Variants in SDHAF4 observed in about 807,000 individuals in gnomAD.
SDHAF4 encodes the protein succinate dehydrogenase assembly factor 4, mitochondrial.
Under a neutral mutation model 14.3 loss-of-function variants are expected in SDHAF4, and 14 were observed. That is an observed-to-expected ratio of 0.98 (90% CI 0.65 to 1.53). The LOEUF (loss-of-function observed/expected upper bound fraction) is 1.53. Ranked by LOEUF, SDHAF4 falls within the 40% of genes most tolerant of loss-of-function variation. SDHAF4 has a pLI of 0.00. For synonymous variants in SDHAF4, 63 were observed against 47.3 expected, an observed-to-expected ratio of 1.33 and a Z score of -1.36; for missense variants, 141 against 129.3, an observed-to-expected ratio of 1.09 and a Z score of -0.44.
chr6:70,580,691 GA>G (rs963096190), intron 2 of SDHAF4, among the ~76,000 whole-genome samples: 1 of 152,154 alleles, frequency 6.6e-6, no homozygotes, highest in African/African-American at 2.4e-5. Flanking sequence ...GATGGACCTT[GA>G]AAACATTATG....
rs371972416 is a variant in SDHAF4, at chr6:70,566,972, G to A, written c.32G>A (p.Ser11Asn). The A allele has an allele frequency of 3.2e-5, 51 of 1,592,832 alleles. No homozygotes were observed. The East Asian group carries it at 3.4e-4, about 11-fold the overall frequency. MTPSRLPWLL[S>N]WVSATAWRAA... ...CCATCGAGGCTTCCCTGGTTGCTTA[G>A]CTGGGTCTCGGCCACGGCGTGGAGA... Residue 11 changes from serine (S) to asparagine (N), a missense_variant, in exon 1 of 3, where the codon AGC (serine) becomes AAC (asparagine). Transcript: ENST00000370474.
intron 2 of SDHAF4, among the ~76,000 whole-genome samples, chr6:70,581,337 C>T (rs1802319745): frequency 2.0e-5 from 3 of 151,962 alleles, no homozygotes; most frequent in Admixed American, 2.0e-4. Flanking sequence ...CAAAAACCTG[C>T]ACTTTTCAAA....
At chr6:70,570,013 A>G (rs1413446846) in intron 1 of SDHAF4, among the ~76,000 whole-genome samples, 1 of 152,094 alleles carries the variant, frequency 6.6e-6, no homozygotes, top group Non-Finnish European at 1.5e-5. Context: ...CCCTACTGAT[A>G]TAATGCGAGC....
chr6:70,594,843 C>T, the SDHAF4 span, among the ~76,000 whole-genome samples: 48 of 150,708 alleles, frequency 3.2e-4, no homozygotes, highest in African/African-American at 8.1e-4. Context: ...ACCCGGGAGG[C>T]GGAGGTTGCA....
intron 1 of SDHAF4, among the ~76,000 whole-genome samples, chr6:70,576,641 T>G (rs1485204085): frequency 6.6e-6 from 1 of 152,228 alleles, no homozygotes; most frequent in Non-Finnish European, 1.5e-5. Flanking sequence ...TAGTGATGAC[T>G]AGAATATGAG....
chr6:70,593,684 GTT>G (rs68046686), downstream of SDHAF4, among the ~76,000 whole-genome samples: 1 of 123,090 alleles, frequency 8.1e-6, no homozygotes, highest in African/African-American at 3.1e-5. Flanking sequence ...AGCTTCAAGG[GTT>G]TTTTTTTGTG....
At chr6:70,575,726 T>TGTGAGA (rs141835202) in intron 1 of SDHAF4, among the ~76,000 whole-genome samples, 23,507 of 150,922 alleles carry the variant, frequency 0.16, 1,915 homozygotes, top group Middle Eastern at 0.22. Flanking sequence ...TGTGTGTGTG[T>TGTGAGA]GAGAGAGAGA....
the SDHAF4 span, among the ~76,000 whole-genome samples, chr6:70,597,504 C>T: frequency 1.8e-3 from 269 of 152,028 alleles, 1 homozygote; most frequent in Non-Finnish European, 3.1e-3. Flanking sequence ...GCCATCTTAG[C>T]ATAAAGTCTG....
intron 1 of SDHAF4, among the ~76,000 whole-genome samples, chr6:70,572,750 GTC>G (rs993249001): frequency 6.6e-6 from 1 of 151,730 alleles, no homozygotes; most frequent in African/African-American, 2.4e-5. Context: ...CAGACTAATA[GTC>G]TCTTTACCCT....
At position 70,588,838 on chromosome 6, in the gene SDHAF4, T is replaced by C; in HGVS notation, c.*114T>C. The C allele has an allele frequency of 2.5e-6, 1 of 399,158 alleles. No individual in the cohort carries two copies. Among genetic ancestry groups the C allele is most frequent in the Non-Finnish European group, 4.5e-6 (1 of 219,960 alleles). The allele number at this position is 399,158 out of a possible 1,614,324, so 24.7% of individuals were successfully genotyped here. A position where few individuals can be genotyped will look rare whatever the true frequency, so the allele number is the denominator to read the frequency against. ...TATGTCGTGTAGTTTGTATAATGTG[T>C]TTAAATATATATATATATGATGGCT... On this transcript the variant is annotated 3_prime_UTR_variant, in exon 3 of 3. Coordinates refer to ENST00000370474, the MANE Select transcript of SDHAF4 (RefSeq NM_145267.3).
intron 1 of SDHAF4, among the ~76,000 whole-genome samples, chr6:70,575,713 G>A (rs989595202): frequency 2.2e-5 from 3 of 134,062 alleles, no homozygotes; most frequent in Non-Finnish European, 4.6e-5. Flanking sequence ...TTGTATATGT[G>A]TGTGTGTGTG....
At chr6:70,588,337 T>TG (rs1271257382) in intron 2 of SDHAF4, among the ~76,000 whole-genome samples, 1 of 152,100 alleles carries the variant, frequency 6.6e-6, no homozygotes, top group Non-Finnish European at 1.5e-5. Context: ...CTGGCCAACA[T>TG]GGTGAAACCC....
chr6:70,596,692 G>C, the SDHAF4 span: 3 of 152,108 alleles, frequency 2.0e-5, no homozygotes, highest in Admixed American at 6.5e-5. Flanking sequence ...TATGTACAAG[G>C]CTCATGCCAT....
chr6:70,578,594 TTTGTTG>T (rs111845670), intron 1 of SDHAF4, among the ~76,000 whole-genome samples: 3 of 151,836 alleles, frequency 2.0e-5, no homozygotes, highest in Admixed American at 6.6e-5. Context: ...CATTTGTCAA[TTTGTTG>T]TTGTTGTTGT....
downstream of SDHAF4, among the ~76,000 whole-genome samples, chr6:70,594,473 C>T (rs1347780567): frequency 6.6e-6 from 1 of 152,118 alleles, no homozygotes; most frequent in Admixed American, 6.5e-5. Context: ...CCTGAGCTAG[C>T]ACATTTGGCC....
chr6:70,582,567 C>G (rs1765144866), intron 2 of SDHAF4, among the ~76,000 whole-genome samples: 1 of 152,180 alleles, frequency 6.6e-6, no homozygotes, highest in Non-Finnish European at 1.5e-5. Context: ...GGCCCTCCCA[C>G]CTGCCTGATC....
At chr6:70,597,157 T>C in the SDHAF4 span, among the ~76,000 whole-genome samples, 1 of 152,156 alleles carries the variant, frequency 6.6e-6, no homozygotes, top group East Asian at 1.9e-4. Context: ...TTTTTGAGAG[T>C]GAGCCTCGCT....
At chr6:70,578,825 C>G (rs533288760) in intron 1 of SDHAF4, among the ~76,000 whole-genome samples, 2 of 152,154 alleles carry the variant, frequency 1.3e-5, no homozygotes, top group Non-Finnish European at 2.9e-5. Flanking sequence ...CACCATTTAT[C>G]AAATAGGGAC....
At chr6:70,581,265 C>A (rs1031068494) in intron 2 of SDHAF4, among the ~76,000 whole-genome samples, 1 of 151,332 alleles carries the variant, frequency 6.6e-6, no homozygotes, top group African/African-American at 2.4e-5. Context: ...TGTACACTTA[C>A]AAATGGTTAA....
Sources: allele counts gnomAD v4.1 joint callset (sites outside exome capture counted in the v4.1 genomes callset), GRCh38; gene constraint gnomAD v4.1.1; transcripts MANE v1.5; gene names NCBI Gene and HGNC (gene_info 2026-07-23, HGNC 2026-07-21).